The following SLC30A9 variants were observed in gnomAD, a reference collection of about 807,000 sequenced individuals.
SLC30A9 encodes proton-coupled zinc antiporter SLC30A9, mitochondrial.
A neutral mutation model predicts 87.5 loss-of-function variants in SLC30A9; 58 were observed. The observed-to-expected ratio is 0.66, with a 90% CI of 0.54 to 0.82. SLC30A9 has a LOEUF of 0.82. Among genes scored for constraint, SLC30A9 ranks in the 40% least tolerant of loss-of-function variants. The pLI is 0.00. For missense variants in SLC30A9, 557 were observed against 679.1 expected (o/e 0.82, Z 2.00); for synonymous variants, 234 against 233.0 (o/e 1.00, Z -0.04).
At chr4:42,086,058 TGTG>T in intron 17 of SLC30A9, 21 bp from the exon 18 acceptor site, 3 of 1,209,894 alleles carry the variant, frequency 2.5e-6, no homozygotes, top group Non-Finnish European at 3.4e-6. Context: ...CTACAAATAA[TGTG>T]GTGGTGATTT....
rs557725569 is a variant in SLC30A9, at chr4:42,053,382, G to A, written c.840+3903G>A. On this transcript the variant is annotated intron_variant, in intron 9 of 17. Transcript: ENST00000264451. The stretch of plus-strand genomic sequence containing the variant: ...TACCCAAGGGAAGTGGGAATGAATG[G>A]TCCCAAAAGATTTGTATAAGAATGT... Among the ~76,000 whole-genome samples, 7 of 152,172 alleles carry A rather than the reference G, an allele frequency of 4.6e-5. No homozygotes were observed. The South Asian group carries it at 1.4e-3, about 32-fold the overall frequency.
At chr4:42,077,323 C>T (rs1232604963) in intron 16 of SLC30A9, among the ~76,000 whole-genome samples, 2 of 152,130 alleles carry the variant, frequency 1.3e-5, no homozygotes, top group East Asian at 3.8e-4. Context: ...AGTGGGATTT[C>T]CTCTACATTG....
intron 8 of SLC30A9, among the ~76,000 whole-genome samples, chr4:42,040,484 A>G (rs1053667060): frequency 2.7e-4 from 41 of 152,176 alleles, no homozygotes; most frequent in Non-Finnish European, 1.3e-4. Context: ...GAATGTATGT[A>G]TATATAGTAT....
At chr4:42,032,950 A>G (rs941279919) in intron 6 of SLC30A9, among the ~76,000 whole-genome samples, 1 of 152,196 alleles carries the variant, frequency 6.6e-6, no homozygotes, top group African/African-American at 2.4e-5. Flanking sequence ...CTCTACACAC[A>G]TAGAGAATAA....
At chr4:42,077,559 A>C (rs900993114) in intron 16 of SLC30A9, among the ~76,000 whole-genome samples, 1 of 152,048 alleles carries the variant, frequency 6.6e-6, no homozygotes, top group Non-Finnish European at 1.5e-5. Context: ...GCCTGTGACC[A>C]CACCCGGTTA....
chr4:42,070,322 A>G (rs1426581796), intron 14 of SLC30A9: 7 of 481,644 alleles, frequency 1.5e-5, no homozygotes, highest in Non-Finnish European at 2.6e-5. Flanking sequence ...ATTATGTCAC[A>G]TAGTACTCTT....
intron 15 of SLC30A9, among the ~76,000 whole-genome samples, chr4:42,072,790 C>G (rs944594823): frequency 7.1e-6 from 1 of 141,018 alleles, no homozygotes; most frequent in Admixed American, 7.1e-5. Flanking sequence ...CCCTAATTAT[C>G]TTCTTGCTCT....
chr4:42,081,924 T>C (rs1718752238), intron 17 of SLC30A9, among the ~76,000 whole-genome samples: 1 of 152,098 alleles, frequency 6.6e-6, no homozygotes, highest in Non-Finnish European at 1.5e-5. Context: ...GCTAAGATAA[T>C]AAAGCATGGC....
intron 16 of SLC30A9, among the ~76,000 whole-genome samples, chr4:42,076,176 A>AT (rs1300878106): frequency 6.6e-6 from 1 of 152,136 alleles, no homozygotes; most frequent in African/African-American, 2.4e-5. Context: ...TCCAGAATCC[A>AT]TTTTTTTATT....
chr4:42,053,589 TAAGGCAGGAGAATCGCTTGAACCCGG>T (rs1717470339), intron 9 of SLC30A9, among the ~76,000 whole-genome samples: 2 of 147,040 alleles, frequency 1.4e-5, no homozygotes, highest in Non-Finnish European at 3.0e-5. Flanking sequence ...CTCGGGAGGC[TAAGGCAGGAGAATCGCTTGAACCCGG>T]GAGGCGGGGG....
chr4:42,035,270 T>C lies in SLC30A9; in HGVS notation c.611-5T>C. The C allele has an allele frequency of 6.3e-7, 1 of 1,595,170 alleles. No homozygotes were observed. On this transcript the variant is annotated splice_polypyrimidine_tract_variant and splice_region_variant and intron_variant, in intron 6 of 17. Coordinates refer to ENST00000264451, the MANE Select transcript of SLC30A9 (RefSeq NM_006345.4). The stretch of plus-strand genomic sequence containing the variant: ...TGACCTAAATTTATTTTGTTATTCT[T>C]ACAGGGCTATTTAGAAACCAAAAAA...
At chr4:42,000,267 G>C (rs1714923448) in intron 1 of SLC30A9, among the ~76,000 whole-genome samples, 1 of 151,994 alleles carries the variant, frequency 6.6e-6, no homozygotes, top group African/African-American at 2.4e-5. Flanking sequence ...GTCTTTGTCA[G>C]GTAATAATTA....
intron 8 of SLC30A9, among the ~76,000 whole-genome samples, chr4:42,047,171 C>T (rs1351316599): frequency 3.3e-5 from 5 of 152,146 alleles, no homozygotes; most frequent in Non-Finnish European, 5.9e-5. Context: ...TAGGCATGGG[C>T]AAAGACTTCA....
At chr4:42,023,523 G>T in intron 6 of SLC30A9, 139 bp downstream of exon 6, 4 of 565,474 alleles carry the variant, frequency 7.1e-6, no homozygotes, top group Middle Eastern at 9.3e-4. Context: ...TTCCGTTTTG[G>T]GATTCAATTA....
At chr4:42,007,614 G>A (rs1019737844) in intron 2 of SLC30A9, among the ~76,000 whole-genome samples, 4 of 151,964 alleles carry the variant, frequency 2.6e-5, no homozygotes, top group African/African-American at 9.7e-5. Context: ...AGCCGGAGCC[G>A]GGCATGGTGG....
chr4:42,082,000 G>A (rs563099868), intron 17 of SLC30A9, among the ~76,000 whole-genome samples: 13 of 151,698 alleles, frequency 8.6e-5, no homozygotes, highest in African/African-American at 2.7e-4. Context: ...GGTGGATCAC[G>A]AGGTCAGGAG....
intron 11 of SLC30A9, among the ~76,000 whole-genome samples, chr4:42,063,329 C>A (rs1717941583): frequency 6.6e-6 from 1 of 152,186 alleles, no homozygotes; most frequent in Admixed American, 6.5e-5. Context: ...TGAACAAGAT[C>A]TCTGTAGGTA....
intron 8 of SLC30A9, among the ~76,000 whole-genome samples, chr4:42,042,578 G>A (rs532810694): frequency 1.1e-3 from 170 of 152,332 alleles, no homozygotes; most frequent in African/African-American, 4.0e-3. Flanking sequence ...GTCCCGGTCA[G>A]GGGCTTATAG....
intron 14 of SLC30A9, among the ~76,000 whole-genome samples, chr4:42,069,126 T>C (rs550392743): frequency 6.6e-6 from 1 of 152,362 alleles, no homozygotes; most frequent in South Asian, 2.1e-4. Flanking sequence ...CATATAGTTT[T>C]AGACTGTTTT....
Sources: gnomAD v4.1 joint callset for allele counts (sites outside exome capture counted in the v4.1 genomes callset) on GRCh38, gnomAD v4.1.1 for gene constraint, MANE v1.5 for transcripts, NCBI Gene and HGNC (gene_info 2026-07-23, HGNC 2026-07-21) for gene names.